The following TSPEAR variants were observed in gnomAD, a reference collection of about 807,000 sequenced individuals.
TSPEAR encodes thrombospondin-type laminin G domain and EAR repeat-containing protein.
In TSPEAR, 69 loss-of-function variants were observed where a neutral mutation model predicts 71.6. The observed-to-expected ratio is 0.96, with a 90% confidence interval of 0.79 to 1.18. TSPEAR has a LOEUF of 1.18. TSPEAR is among the 50% of genes most tolerant of loss of function. The pLI, the probability that TSPEAR is intolerant of heterozygous loss-of-function variation, is 0.00. For missense variants in TSPEAR, 971 were observed against 894.9 expected, an observed-to-expected ratio of 1.09 and a Z score of -1.09; for synonymous variants, 402 against 387.2, an observed-to-expected ratio of 1.04 and a Z score of -0.45.
Position 44,623,836 on chromosome 21 carries a change from T to G in TSPEAR, c.83-55831A>C, listed in dbSNP as rs1274660470. Among the ~76,000 whole-genome samples the G allele has an allele frequency of 6.6e-6, 1 of 152,224 alleles. No individual in the cohort carries two copies. The highest frequency in any genetic ancestry group is 2.4e-5 in the African/African-American group (1 of 41,450). On this transcript the variant is annotated intron_variant, in intron 1 of 11. Transcript: ENST00000323084. This position sits in a 1 kb window ranked among gnomAD's most constrained non-coding sequence, Gnocchi z 4.5. The stretch of plus-strand genomic sequence containing the variant: ...ATTTCTTTTTTTTTCCCTTGGCTGT[T>G]TTTAAATTTTTCTCTGTCTTTGGAT...
At chr21:44,558,558 A>C in intron 2 of TSPEAR, 1 of 1,613,184 alleles carries the variant, frequency 6.2e-7, no homozygotes, top group East Asian at 2.2e-5. Flanking sequence ...GGGGCTGGAC[A>C]CACAGCTCAC....
chr21:44,631,254 A>G (rs1321252373), intron 1 of TSPEAR, among the ~76,000 whole-genome samples: 1 of 152,226 alleles, frequency 6.6e-6, no homozygotes, highest in Non-Finnish European at 1.5e-5. Flanking sequence ...AATATCAATA[A>G]AGAGAGAGAT....
chr21:44,658,842 C>T (rs1225887984), intron 1 of TSPEAR, among the ~76,000 whole-genome samples: 1 of 152,118 alleles, frequency 6.6e-6, no homozygotes. Flanking sequence ...GAAGAAGCTT[C>T]CAGATGGAGC....
At chr21:44,648,070 G>A (rs587751504) in intron 1 of TSPEAR, among the ~76,000 whole-genome samples, 2 of 152,364 alleles carry the variant, frequency 1.3e-5, no homozygotes, top group South Asian at 4.1e-4. Flanking sequence ...ACAGAGGGCT[G>A]CCCCGAGAGT....
chr21:44,708,685 G>C (rs1342285680), intron 1 of TSPEAR, among the ~76,000 whole-genome samples: 1 of 152,166 alleles, frequency 6.6e-6, no homozygotes, highest in Non-Finnish European at 1.5e-5. Context: ...CCACCCTGGG[G>C]TCTCTCCACC....
In TSPEAR at chr21:44,558,657, T is replaced by G; in HGVS notation, c.303+9128A>C. 3.7e-6 allele frequency: 6 copies of G among 1,613,132 alleles called. No homozygotes were observed. Among genetic ancestry groups the G allele is most frequent in the South Asian group, 2.2e-5 (2 of 91,016 alleles). ...CTCACAGCAGCTCTCTGGGCAGGCG[T>G]CCACCTGCCAGGAGTCAGAGTAAGC... On this transcript the variant is annotated intron_variant, in intron 2 of 11. Transcript: ENST00000323084.
chr21:44,557,894 T>C, intron 2 of TSPEAR: 1 of 875,480 alleles, frequency 1.1e-6, no homozygotes. Flanking sequence ...GTGGGAGAGA[T>C]GCATGCCTGG....
chr21:44,573,470 C>A (rs1555922953), intron 1 of TSPEAR, among the ~76,000 whole-genome samples: 1 of 152,198 alleles, frequency 6.6e-6, no homozygotes, highest in East Asian at 1.9e-4. Flanking sequence ...GCCTGAACTG[C>A]CCCTCAGCTC....
rs782343318 is a variant in TSPEAR, at chr21:44,623,891, C to T, written c.83-55886G>A. ...GCCCCAATATGCACAGGCATGGTTT[C>T]CTTTGTATTCACCTTGCTAAACATT... On this transcript the variant is annotated intron_variant, in intron 1 of 11. Coordinates refer to ENST00000323084, the MANE Select transcript of TSPEAR (RefSeq NM_144991.3). The surrounding 1 kb of genome is among the most constrained non-coding windows in gnomAD (Gnocchi z 4.5). Among the ~76,000 whole-genome samples, 4 of 152,196 alleles carry T rather than the reference C, an allele frequency of 2.6e-5. 1 individual carries two copies. Among genetic ancestry groups the T allele is most frequent in the African/African-American group, 9.6e-5 (4 of 41,544 alleles).
intron 1 of TSPEAR, chr21:44,627,591 C>G (rs587645838): frequency 6.2e-7 from 1 of 1,613,172 alleles, no homozygotes; most frequent in East Asian, 2.2e-5. Context: ...AGCCGGCCTG[C>G]TGTGTGCCCG....
At chr21:44,694,992 G>A (rs561155214) in intron 1 of TSPEAR, among the ~76,000 whole-genome samples, 1 of 152,140 alleles carries the variant, frequency 6.6e-6, no homozygotes, top group Non-Finnish European at 1.5e-5. Flanking sequence ...CCCAAGGGGG[G>A]TCGTGCTTTG....
intron 1 of TSPEAR, chr21:44,574,454 C>G (rs1978313316): frequency 1.2e-6 from 2 of 1,602,242 alleles, no homozygotes; most frequent in Non-Finnish European, 1.7e-6. Context: ...GCGTGCCCGT[C>G]TGCTGCAAGA....
chr21:44,528,348 C>T (rs1273494694), intron 6 of TSPEAR, 104 bp downstream of exon 6: 77 of 1,513,468 alleles, frequency 5.1e-5, no homozygotes, highest in Non-Finnish European at 6.4e-5. Flanking sequence ...AGCCTGAGGT[C>T]ATTCAGAGGT....
At position 44,711,403 on chromosome 21, in the gene TSPEAR, C is replaced by T. The variant is rs147552192; in HGVS notation, c.82+30G>A. ...CCTCCCAGCTCCCCGGCAAGATACC[C>T]CCGCCCGAGTTCCCATGCCCCTGCC... is the stretch of plus-strand genomic sequence containing the variant. On this transcript the variant is annotated intron_variant, in intron 1 of 11. Transcript: ENST00000323084. This position sits in a 1 kb window ranked among gnomAD's most constrained non-coding sequence, Gnocchi z 4.5. 3.6e-4 allele frequency: 558 copies of T among 1,562,178 alleles called. 5 individuals carry two copies. The East Asian group carries it at 0.012, about 33-fold the overall frequency.
intron 1 of TSPEAR, among the ~76,000 whole-genome samples, chr21:44,656,163 G>C (rs1555942537): frequency 2.0e-5 from 3 of 152,226 alleles, no homozygotes; most frequent in African/African-American, 7.2e-5. Context: ...GTGATTGTGA[G>C]CTAGTCACCA....
intron 1 of TSPEAR, among the ~76,000 whole-genome samples, chr21:44,613,648 C>A (rs374650056): frequency 6.6e-6 from 1 of 151,906 alleles, no homozygotes. Flanking sequence ...GCTGCACCTG[C>A]GCAGGAGACA....
At chr21:44,579,495 T>G in intron 1 of TSPEAR, 3 of 565,228 alleles carry the variant, frequency 5.3e-6, no homozygotes, top group South Asian at 2.4e-5. Flanking sequence ...CAGGAGGAGG[T>G]GCTGACAGGT....
At chr21:44,558,184 A>C (rs782582545) in intron 2 of TSPEAR, 5 of 1,548,494 alleles carry the variant, frequency 3.2e-6, no homozygotes, top group Admixed American at 1.8e-5. Flanking sequence ...GCAGGGGCAC[A>C]GCAGGAGGGG....
rs2053561169 is a variant in TSPEAR at position 44,557,963 on chromosome 21, G to A, written c.303+9822C>T. The A allele has an allele frequency of 2.7e-6, 4 of 1,469,576 alleles. No individual in the cohort carries two copies. In the Admixed American group the frequency reaches 8.5e-5, roughly 31 times the overall value. The allele number at this position is 1,469,576 out of a possible 1,614,324, so 91.0% of individuals were successfully genotyped here. A position where few individuals can be genotyped will look rare whatever the true frequency, so the allele number is the denominator to read the frequency against. ...TGGAGGTGCAGTGGCTATGGGCAGAGGAGACTCAGACAGGGCTCAGGGCTG... is the reference window on the plus strand; with the variant it reads ...TGGAGGTGCAGTGGCTATGGGCAGAAGAGACTCAGACAGGGCTCAGGGCTG... On this transcript the variant is annotated intron_variant, in intron 2 of 11. Transcript: ENST00000323084.
Sources: gnomAD v4.1 joint callset for allele counts (sites outside exome capture counted in the v4.1 genomes callset) on GRCh38, gnomAD v4.1.1 for gene constraint, Gnocchi (gnomAD v3.1) non-coding constraint, MANE v1.5 for transcripts, NCBI Gene and HGNC (gene_info 2026-07-23, HGNC 2026-07-21) for gene names.